The following RPGRIP1 variants were observed in gnomAD, a reference collection of about 807,000 sequenced individuals.
RPGRIP1 encodes the protein RPGR interacting protein 1.
In RPGRIP1, 128 loss-of-function variants were observed where a neutral mutation model predicts 157.9. The observed-to-expected ratio is 0.81, with a 90% CI of 0.70 to 0.94. The LOEUF (loss-of-function observed/expected upper bound fraction) is 0.94, where lower values mean the gene tolerates loss of function less well. RPGRIP1 is among the 40% of genes least tolerant of loss of function. The probability of loss-of-function intolerance (pLI) is 0.00; values close to 1 mark genes in which losing one functional copy is unlikely to be tolerated. For synonymous variants in RPGRIP1, 554 were observed against 571.6 expected, an observed-to-expected ratio of 0.97 and a Z score of 0.44; for missense variants, 1,486 against 1,545.8, an observed-to-expected ratio of 0.96 and a Z score of 0.65.
intron 21 of RPGRIP1, among the ~76,000 whole-genome samples, chr14:21,335,006 A>G (rs912855619): frequency 1.4e-5 from 2 of 140,650 alleles, no homozygotes; most frequent in East Asian, 2.1e-4. Flanking sequence ...AGATCACGCC[A>G]TTGCACTCCG....
chr14:21,343,331 A>C, intron 22 of RPGRIP1, 103 bp downstream of exon 22: 1 of 861,128 alleles, frequency 1.2e-6, no homozygotes, highest in Admixed American at 2.9e-5. Flanking sequence ...CAGCCATTTC[A>C]CTTTATTATT....
rs749603532 is a variant in RPGRIP1 at position 21,324,948 on chromosome 14, C to T, written c.2093C>T (p.Ser698Leu). The T allele has an allele frequency of 1.2e-6, 2 of 1,614,038 alleles. No homozygotes were observed. The highest frequency in any genetic ancestry group is 4.5e-5 in the East Asian group (2 of 44,890). The change falls in exon 15 of 25, where the codon TCA becomes TTA. Residue 698 changes from serine to leucine, a missense_variant. Ser to Leu is a moderately radical substitution (Grantham distance 145, BLOSUM62 -2). Transcript: ENST00000400017. ...SLFLHYLQEA[S>L]ARLDIHQAMA... ...TTCTTACACTACCTTCAAGAGGCTT[C>T]AGCCCGGCTTGACATACACCAGGCC...
In RPGRIP1 at chr14:21,321,241, A is replaced by C; in HGVS notation, c.1468-18A>C. On this transcript the variant is annotated intron_variant, in intron 12 of 24. Coordinates refer to ENST00000400017, the MANE Select transcript of RPGRIP1 (RefSeq NM_020366.4). ...GTCATATTTATACTCCCTTTTACCAATGCGTTTCCCTCTACAGCCAAGTGA... is the reference window on the plus strand; with the variant it reads ...GTCATATTTATACTCCCTTTTACCACTGCGTTTCCCTCTACAGCCAAGTGA... The C allele has an allele frequency of 6.2e-7, 1 of 1,606,602 alleles. No individual in the cohort carries two copies. The highest frequency in any genetic ancestry group is 1.3e-5 in the African/African-American group (1 of 74,376).
intron 11 of RPGRIP1, chr14:21,318,052 C>A (rs1156393472): frequency 8.7e-5 from 61 of 698,244 alleles, no homozygotes; most frequent in Non-Finnish European, 1.5e-4. Flanking sequence ...CTCATGTATA[C>A]TTTTTCCTAT....
At position 21,320,184 on chromosome 14, in the gene RPGRIP1, G is replaced by A. The variant is rs1391325919; in HGVS notation, c.1467+7G>A. 6.2e-7 allele frequency: 1 copy of A among 1,612,964 alleles called. No homozygotes were observed. On this transcript the variant is annotated splice_region_variant and intron_variant, in intron 12 of 24. Transcript: ENST00000400017. ...AGAGAACACTCAGATCGAGGTAAGA[G>A]CCTCTTTAAACAAACTAGTCCACTC...
At chr14:21,330,812 T>C (rs1384341436) in intron 20 of RPGRIP1, among the ~76,000 whole-genome samples, 3 of 152,232 alleles carry the variant, frequency 2.0e-5, no homozygotes, top group Non-Finnish European at 4.4e-5. Flanking sequence ...AGTTTTGTGT[T>C]ACAAGTGTGA....
intron 12 of RPGRIP1, 113 bp downstream of exon 12, chr14:21,320,290 A>T: frequency 9.7e-7 from 1 of 1,033,548 alleles, no homozygotes; most frequent in Non-Finnish European, 1.4e-6. Flanking sequence ...GTCCTGACTG[A>T]GGACACTCTT....
Position 21,343,185 on chromosome 14 carries a change from G to A in RPGRIP1, c.3489G>A (p.Arg1163=). 6.2e-7 allele frequency: 1 copy of A among 1,613,378 alleles called. No homozygotes were observed. The highest frequency in any genetic ancestry group is 8.5e-7 in the Non-Finnish European group (1 of 1,179,626). ...LSETETPVSL[R]KPRAGEEIHF... ...AGACAGAGACTCCAGTGTCCCTAAG[G>A]AAGCCTAGGGCAGGAGAAGAAATCC... Residue 1163 remains arginine (R), a synonymous_variant, in exon 22 of 25, where the codon AGG becomes AGA. Transcript: ENST00000400017.
chr14:21,299,890 CT>C (rs34540849), intron 3 of RPGRIP1, among the ~76,000 whole-genome samples: 9,886 of 152,258 alleles, frequency 0.065, 449 homozygotes, highest in Admixed American at 0.16. Flanking sequence ...TTCTAGCTTG[CT>C]GACTGCTGCT....
chr14:21,326,872 A>AT (rs576249052), intron 17 of RPGRIP1, among the ~76,000 whole-genome samples: 26 of 150,256 alleles, frequency 1.7e-4, no homozygotes, highest in Non-Finnish European at 2.7e-4. Context: ...AATTTCTTGG[A>AT]TTTTTTTTTT....
At chr14:21,333,271 A>G (rs930452549) in intron 20 of RPGRIP1, among the ~76,000 whole-genome samples, 7 of 152,228 alleles carry the variant, frequency 4.6e-5, no homozygotes, top group Non-Finnish European at 1.0e-4. Context: ...GGTAAAGGCC[A>G]TCAAGAAATG....
intron 20 of RPGRIP1, among the ~76,000 whole-genome samples, chr14:21,332,196 C>T (rs1465554713): frequency 6.6e-6 from 1 of 152,088 alleles, no homozygotes; most frequent in Non-Finnish European, 1.5e-5. Flanking sequence ...GCCTCAGCCT[C>T]CCAAAGTGCT....
chr14:21,288,702 TG>T (rs1175458411), intron 2 of RPGRIP1, among the ~76,000 whole-genome samples: 4 of 149,646 alleles, frequency 2.7e-5, no homozygotes, highest in Non-Finnish European at 5.9e-5. Flanking sequence ...TTAGTACAGA[TG>T]GGGTTTCACC....
chr14:21,349,587 A>C (rs1426846826), intron 24 of RPGRIP1, among the ~76,000 whole-genome samples: 1 of 151,342 alleles, frequency 6.6e-6, no homozygotes, highest in African/African-American at 2.4e-5. Context: ...TATTTAGTAG[A>C]GATGGGGTTT....
intron 10 of RPGRIP1, among the ~76,000 whole-genome samples, chr14:21,317,367 G>A (rs199684633): frequency 6.6e-6 from 1 of 152,128 alleles, no homozygotes. Context: ...TTTCTAATCC[G>A]GCAGGCCTGA....
At chr14:21,324,541 T>G (rs1324480018) in intron 14 of RPGRIP1, 77 bp from the exon 15 acceptor site, 1 of 1,205,242 alleles carries the variant, frequency 8.3e-7, no homozygotes, top group East Asian at 2.3e-5. Context: ...GTTTTATATT[T>G]CTTTTGTCCA....
intron 6 of RPGRIP1, 26 bp from the exon 7 acceptor site, chr14:21,307,703 CAG>C (rs777633115): frequency 3.0e-6 from 4 of 1,355,904 alleles, no homozygotes; most frequent in Non-Finnish European, 4.1e-6. Flanking sequence ...CATGTTCAGA[CAG>C]AATAATTTAG....
chr14:21,348,531 A>G (rs994108474), intron 24 of RPGRIP1, among the ~76,000 whole-genome samples: 2 of 152,302 alleles, frequency 1.3e-5, no homozygotes, highest in Admixed American at 1.3e-4. Context: ...TGAATCTACA[A>G]TGTTTGAAAA....
At position 21,311,827 on chromosome 14, in the gene RPGRIP1, C is replaced by G; in HGVS notation, c.934C>G (p.Gln312Glu). Residue 312 changes from glutamine (Q) to glutamate (E), a missense_variant, in exon 9 of 25, where the codon CAG becomes GAG. Transcript: ENST00000400017. Reference protein sequence around the residue: ...EAYETLLQKNQGILSAAHEAL... With the variant: ...EAYETLLQKNEGILSAAHEAL... ...AGGTACTTTCCTTTTGACCCAGAAT[C>G]AGGGAATCCTGAGTGCAGCCCATGA... The G allele has an allele frequency of 6.3e-7, 1 of 1,598,370 alleles. No homozygotes were observed. The highest frequency in any genetic ancestry group is 8.5e-7 in the Non-Finnish European group (1 of 1,174,412).
Sources: allele counts gnomAD v4.1 joint callset (sites outside exome capture counted in the v4.1 genomes callset), GRCh38; gene constraint gnomAD v4.1.1; transcripts MANE v1.5; gene names NCBI Gene and HGNC (gene_info 2026-07-23, HGNC 2026-07-21).